The following YTHDF3 variants were observed in gnomAD, a reference collection of about 807,000 sequenced individuals.
YTHDF3 encodes the protein YTH N6-methyladenosine RNA binding protein F3, also known as YTH domain-containing family protein 3.
A neutral mutation model predicts 52.5 loss-of-function variants in YTHDF3; 9 were observed. The observed-to-expected ratio is 0.17, with a 90% CI of 0.10 to 0.30. The LOEUF (loss-of-function observed/expected upper bound fraction) is 0.30, where lower values mean the gene tolerates loss of function less well. YTHDF3 is among the 10% of genes least tolerant of loss of function. YTHDF3 has a pLI of 1.00. For missense variants in YTHDF3, 534 were observed against 715.0 expected, an observed-to-expected ratio of 0.75 and a Z score of 2.89; for synonymous variants, 274 against 243.3, an observed-to-expected ratio of 1.13 and a Z score of -1.18.
In YTHDF3 at chr8:63,211,104, T is replaced by A. The variant is rs527650292; in HGVS notation, c.*1398T>A. The A allele has an allele frequency of 1.6e-4, 25 of 152,726 alleles. No homozygotes were observed. Among genetic ancestry groups the A allele is most frequent in the Middle Eastern group, 3.4e-3 (1 of 294 alleles). The allele number at this position is 152,726 out of a possible 1,614,324, so 9.5% of individuals were successfully genotyped here. On this transcript the variant is annotated 3_prime_UTR_variant, in exon 5 of 5. Coordinates refer to ENST00000539294, the MANE Select transcript of YTHDF3 (RefSeq NM_152758.6). The stretch of plus-strand genomic sequence containing the variant: ...ACATCATGTTTAGAAATGTTTTCAT[T>A]TACTGTGGTCTTTGGTCACTTCAGC...
intron 3 of YTHDF3, among the ~76,000 whole-genome samples, chr8:63,180,129 C>T (rs1411054001): frequency 9.9e-5 from 15 of 151,580 alleles, no homozygotes; most frequent in Admixed American, 9.2e-4. Flanking sequence ...ATGCTCCTCA[C>T]TTCTCAAATG....
chr8:63,193,887 T>G (rs1462667656), intron 4 of YTHDF3, among the ~76,000 whole-genome samples: 1 of 152,206 alleles, frequency 6.6e-6, no homozygotes, highest in Non-Finnish European at 1.5e-5. Flanking sequence ...GAATCTAAAT[T>G]GATAAATCTA....
At position 63,209,947 on chromosome 8, in the gene YTHDF3, A is replaced by G. The variant is rs544931225; in HGVS notation, c.*241A>G. 48 of 432,622 alleles carry G rather than the reference A, an allele frequency of 1.1e-4. 1 individual carries two copies. The South Asian group carries it at 2.1e-3, about 19-fold the overall frequency. 26.8% of individuals were successfully genotyped at this position (432,622 alleles called of 1,614,324 possible). The stretch of plus-strand genomic sequence containing the variant: ...CACTTTCTGTCCTGAAGCTTTTACC[A>G]GTATCTGCTGTCTTTTGTAATTATG... On this transcript the variant is annotated 3_prime_UTR_variant, in exon 5 of 5. Transcript: ENST00000539294.
At position 63,168,628 on chromosome 8, in the gene YTHDF3, G is replaced by A. The variant is rs896634516; in HGVS notation, c.-250G>A. On this transcript the variant is annotated 5_prime_UTR_variant, in exon 1 of 5. Transcript: ENST00000539294. ...GAGGCTCGGAGCGGAAGTGAGACTA[G>A]GGAGTCTGTCCGCCATTGTGGACCC... 2 of 653,588 alleles carry A rather than the reference G, an allele frequency of 3.1e-6. No homozygotes were observed. Among genetic ancestry groups the A allele is most frequent in the South Asian group, 1.9e-5 (1 of 53,586 alleles). 40.5% of individuals were successfully genotyped at this position (653,588 alleles called of 1,614,324 possible). A position where few individuals can be genotyped will look rare whatever the true frequency, so the allele number is the denominator to read the frequency against.
At chr8:63,205,129 A>G (rs1034512336) in intron 4 of YTHDF3, among the ~76,000 whole-genome samples, 9 of 151,964 alleles carry the variant, frequency 5.9e-5, no homozygotes, top group Non-Finnish European at 1.0e-4. Flanking sequence ...TGTCCATTGT[A>G]TTTGCTTAGT....
chr8:63,195,456 C>T (rs1204139637), intron 4 of YTHDF3, among the ~76,000 whole-genome samples: 7 of 152,062 alleles, frequency 4.6e-5, no homozygotes, highest in African/African-American at 1.7e-4. Flanking sequence ...AATAAAATGT[C>T]ATGTTTTAGA....
chr8:63,168,947 A>C lies in YTHDF3; in HGVS notation c.24+46A>C. On this transcript the variant is annotated intron_variant, in intron 1 of 4. Coordinates refer to ENST00000539294, the MANE Select transcript of YTHDF3 (RefSeq NM_152758.6). ...GGCTTGGCGAAGGCCCGAGCCCCGG[A>C]GCTCCACCCTCGCGCGGGGCTTCGG... 6 of 1,544,300 alleles carry C rather than the reference A, an allele frequency of 3.9e-6. No individual in the cohort carries two copies. The African/African-American group carries it at 8.3e-5, about 21-fold the overall frequency.
At chr8:63,196,660 T>C (rs933541365) in intron 4 of YTHDF3, among the ~76,000 whole-genome samples, 1 of 152,074 alleles carries the variant, frequency 6.6e-6, no homozygotes, top group Non-Finnish European at 1.5e-5. Flanking sequence ...AATCAGACTG[T>C]CATCAGAATT....
intron 2 of YTHDF3, among the ~76,000 whole-genome samples, chr8:63,173,276 C>G (rs1044895085): frequency 1.4e-5 from 2 of 141,198 alleles, no homozygotes; most frequent in African/African-American, 5.7e-5. Flanking sequence ...CAGAGTCTCA[C>G]TCTGTACCCC....
chr8:63,184,255 C>T (rs755354951), intron 3 of YTHDF3, among the ~76,000 whole-genome samples: 2 of 152,128 alleles, frequency 1.3e-5, no homozygotes, highest in Non-Finnish European at 2.9e-5. Context: ...CTTTTAACAT[C>T]CAGTGTATTT....
chr8:63,202,460 CT>C (rs1306972448), intron 4 of YTHDF3, among the ~76,000 whole-genome samples: 1 of 108,010 alleles, frequency 9.3e-6, no homozygotes, highest in African/African-American at 4.3e-5. Flanking sequence ...CCTTGTTCTA[CT>C]CTTTTTTTTT....
At position 63,182,171 on chromosome 8, in the gene YTHDF3, C is replaced by T. The variant is rs565408743; in HGVS notation, c.136-3976C>T. Among the ~76,000 whole-genome samples the T allele has an allele frequency of 7.3e-5, 11 of 150,472 alleles. 1 individual carries two copies. The highest frequency in any genetic ancestry group is 6.3e-4 in the South Asian group (3 of 4,754). ...GCAGCCTCGAACTCCTGGGCCCAAG[C>T]GATCCTCCCACCTCACCTCCCAAGT... On this transcript the variant is annotated intron_variant, in intron 3 of 4. Transcript: ENST00000539294.
Position 63,186,395 on chromosome 8 carries a change from T to C in YTHDF3, c.384T>C (p.Pro128=). 1 of 1,614,056 alleles carries C rather than the reference T, an allele frequency of 6.2e-7. No individual in the cohort carries two copies. The highest frequency in any genetic ancestry group is 8.5e-7 in the Non-Finnish European group (1 of 1,179,898). Residue 128 remains proline (P), a synonymous_variant, in exon 4 of 5, where the codon CCT becomes CCC. Transcript: ENST00000539294. ...GTCAACATGGATTTAACTTTTTTCCTGGTAATGCTGATTTCTCTACATGGG... is the reference window on the plus strand; with the variant it reads ...GTCAACATGGATTTAACTTTTTTCCCGGTAATGCTGATTTCTCTACATGGG... ...FLGQHGFNFF[P]GNADFSTWGT... is the part of the protein sequence containing the mutation.
At chr8:63,188,701 A>ATTTTTTTTTTT (rs1191554468) in intron 4 of YTHDF3, 3 of 61,446 alleles carry the variant, frequency 4.9e-5, no homozygotes, top group African/African-American at 1.7e-4. Context: ...ATATATATAT[A>ATTTTTTTTTTT]TTTTTTTTTT....
At chr8:63,201,429 A>G (rs918784690) in intron 4 of YTHDF3, among the ~76,000 whole-genome samples, 4 of 152,248 alleles carry the variant, frequency 2.6e-5, no homozygotes, top group Non-Finnish European at 4.4e-5. Context: ...TGTGAATGCC[A>G]GTAAAACCTT....
In YTHDF3 at chr8:63,187,100, C is replaced by A; in HGVS notation, c.1089C>A (p.Gly363=). Residue 363 remains glycine, a synonymous_variant, in exon 4 of 5, where the codon GGC becomes GGA. Transcript: ENST00000539294. ...TAGCTCCTCGTAACAGGGGAGCAGG[C>A]TTCAACCAGAACAATGGAGCGGGCA... ...RWVAPRNRGA[G]FNQNNGAGSE... The A allele has an allele frequency of 1.9e-6, 3 of 1,613,846 alleles. No homozygotes were observed. The highest frequency in any genetic ancestry group is 2.5e-6 in the Non-Finnish European group (3 of 1,179,846).
intron 4 of YTHDF3, among the ~76,000 whole-genome samples, chr8:63,192,466 A>G (rs1429951775): frequency 2.6e-5 from 4 of 152,338 alleles, no homozygotes; most frequent in East Asian, 3.9e-4. Flanking sequence ...GAAAGCCAGT[A>G]TAATGGGTTG....
chr8:63,209,325 C>T (rs186022046), intron 4 of YTHDF3, among the ~76,000 whole-genome samples: 183 of 152,188 alleles, frequency 1.2e-3, no homozygotes, highest in African/African-American at 4.2e-3. Context: ...TTTTCTCCTG[C>T]CCCTACCTCA....
Position 63,187,083 on chromosome 8 carries a change from C to T in YTHDF3, c.1072C>T (p.Arg358Cys), listed in dbSNP as rs750632736. 6 of 1,613,742 alleles carry T rather than the reference C, an allele frequency of 3.7e-6. 1 individual carries two copies. Among genetic ancestry groups the T allele is most frequent in the Admixed American group, 3.3e-5 (2 of 59,974 alleles). The change falls in exon 4 of 5, where the codon CGT becomes TGT. Residue 358 changes from arginine to cysteine, a missense_variant. By Grantham distance (180) the Arg-to-Cys change is radical. Transcript: ENST00000539294. ...QQLQNRWVAP[R>C]NRGAGFNQNN... Reference sequence around the variant, plus strand: ...GCTGCAGAATCGCTGGGTAGCTCCTCGTAACAGGGGAGCAGGCTTCAACCA... The same window carrying T: ...GCTGCAGAATCGCTGGGTAGCTCCTTGTAACAGGGGAGCAGGCTTCAACCA...
Sources: gnomAD v4.1 joint callset for allele counts (sites outside exome capture counted in the v4.1 genomes callset) on GRCh38, gnomAD v4.1.1 for gene constraint, MANE v1.5 for transcripts, NCBI Gene and HGNC (gene_info 2026-07-23, HGNC 2026-07-21) for gene names.